Variants in ZNF875 observed in about 807,000 individuals in gnomAD.
ZNF875 encodes HKR1, GLI-Kruppel zinc finger family member.
A neutral mutation model predicts 11.2 loss-of-function variants in ZNF875; 14 were observed. That is an observed-to-expected ratio of 1.26 (90% CI 0.83 to 1.96). The LOEUF is 1.96. ZNF875 is among the 30% of genes most tolerant of loss of function. The pLI, the probability that ZNF875 is intolerant of heterozygous loss-of-function variation, is 0.00. For synonymous variants in ZNF875, 301 were observed against 281.1 expected (o/e 1.07, Z -0.71); for missense variants, 752 against 760.4 (o/e 0.99, Z 0.13).
upstream of ZNF875, among the ~76,000 whole-genome samples, chr19:37,317,388 G>A (rs1358514056): frequency 6.6e-6 from 1 of 151,596 alleles, no homozygotes; most frequent in African/African-American, 2.4e-5. Flanking sequence ...GGGTTTCACC[G>A]TGGTCTCGAT....
At chr19:37,314,163 A>G (rs1017850106), upstream of ZNF875, among the ~76,000 whole-genome samples, 6 of 152,148 alleles carry the variant, frequency 3.9e-5, no homozygotes, top group African/African-American at 1.4e-4. Flanking sequence ...CCCACGATGG[A>G]GTGCCGTGGT....
Position 37,324,301 on chromosome 19 carries a change from T to C in ZNF875, c.-603+36T>C, listed in dbSNP as rs1413005907. 5.3e-5 allele frequency: 8 copies of C among 152,316 alleles called. No individual in the cohort carries two copies. In the East Asian group the frequency reaches 1.4e-3, roughly 26 times the overall value. The allele number at this position is 152,316 out of a possible 1,614,324, so 9.4% of individuals were successfully genotyped here. On this transcript the variant is annotated intron_variant, in intron 4 of 5. Coordinates refer to the ZNF875 transcript ENST00000544914. Reference sequence around the variant, plus strand: ...TAAACCACTCACCTGTGTTGTCTTCTAATTTATTCTGTTTTATTTTGTTTC... The same window carrying C: ...TAAACCACTCACCTGTGTTGTCTTCCAATTTATTCTGTTTTATTTTGTTTC...
In ZNF875 at chr19:37,362,650, G is replaced by A. The variant is rs199921655; in HGVS notation, c.798G>A (p.Met266Ile). The change falls in exon 5 of 5, where the codon ATG (methionine) becomes ATA (isoleucine). Residue 266 changes from methionine to isoleucine, a missense_variant. Met to Ile is a conservative substitution (Grantham distance 10, BLOSUM62 1). Coordinates refer to ENST00000392153, the MANE Select transcript of ZNF875 (RefSeq NM_001353803.2). ...YTEWGDSFGS[M>I]SVLIKNPRTH... ...AGTGGGGAGACAGCTTTGGCAGTAT[G>A]TCAGTCCTCATCAAAAACCCAAGGA... is the stretch of plus-strand genomic sequence containing the variant. 9.9e-6 allele frequency: 16 copies of A among 1,613,044 alleles called. No homozygotes were observed. Among genetic ancestry groups the A allele is most frequent in the South Asian group, 9.9e-5 (9 of 90,892 alleles).
chr19:37,336,058 T>C (rs2145926583), intron 2 of ZNF875, among the ~76,000 whole-genome samples: 1 of 152,212 alleles, frequency 6.6e-6, no homozygotes, highest in African/African-American at 2.4e-5. Context: ...GAGACATACA[T>C]GCGTAATTGT....
At chr19:37,336,748 A>G (rs2145948714) in intron 2 of ZNF875, among the ~76,000 whole-genome samples, 1 of 151,466 alleles carries the variant, frequency 6.6e-6, no homozygotes, top group East Asian at 2.0e-4. Flanking sequence ...CTCTACTAAA[A>G]ATACAAGAAA....
At chr19:37,333,337 C>T (rs1199710361), upstream of ZNF875, among the ~76,000 whole-genome samples, 2 of 151,832 alleles carry the variant, frequency 1.3e-5, no homozygotes, top group Non-Finnish European at 2.9e-5. Flanking sequence ...GTGGTTCCCA[C>T]TGAGTTCTGT....
chr19:37,346,524 C>T (rs2036796126), intron 2 of ZNF875: 1 of 153,274 alleles, frequency 6.5e-6, no homozygotes, highest in Non-Finnish European at 1.5e-5. Context: ...CCCAGAGGCA[C>T]CACTGCTTCA....
At chr19:37,330,250 T>A (rs1191659635), upstream of ZNF875, among the ~76,000 whole-genome samples, 1 of 152,218 alleles carries the variant, frequency 6.6e-6, no homozygotes, top group East Asian at 1.9e-4. Context: ...CTCAAATACT[T>A]GACTTTTTTT....
chr19:37,320,205 T>A (rs567316957), intron 1 of ZNF875, among the ~76,000 whole-genome samples: 1 of 152,214 alleles, frequency 6.6e-6, no homozygotes, highest in Admixed American at 6.5e-5. Context: ...TGCAGTTCCA[T>A]CAGCCAAGTT....
chr19:37,313,223 A>G (rs62109190), upstream of ZNF875: 2,012 of 151,144 alleles, frequency 0.013, 34 homozygotes, highest in Non-Finnish European at 0.022. Context: ...CGAAACAACA[A>G]CAACAACAAC....
intron 1 of ZNF875, among the ~76,000 whole-genome samples, chr19:37,321,629 G>A (rs1231069080): frequency 2.0e-5 from 3 of 151,944 alleles, no homozygotes; most frequent in African/African-American, 4.8e-5. Context: ...TCAGTTTCCC[G>A]TCCCACCCGA....
chr19:37,362,655 T>G lies in ZNF875; in HGVS notation c.803T>G (p.Val268Gly), dbSNP rs746060051. The change falls in exon 5 of 5, where the codon GTC (valine) becomes GGC (glycine). Residue 268 changes from valine (V) to glycine (G), a missense_variant. Coordinates refer to ENST00000392153, the MANE Select transcript of ZNF875 (RefSeq NM_001353803.2). ...EWGDSFGSMS[V>G]LIKNPRTHSG... ...GGAGACAGCTTTGGCAGTATGTCAG[T>G]CCTCATCAAAAACCCAAGGACACAC... The G allele has an allele frequency of 6.2e-7, 1 of 1,613,054 alleles. No individual in the cohort carries two copies. Among genetic ancestry groups the G allele is most frequent in the Admixed American group, 1.7e-5 (1 of 59,934 alleles).
At chr19:37,334,918 G>T (rs1336051106) in intron 1 of ZNF875, 136 bp downstream of exon 1, 8 of 454,194 alleles carry the variant, frequency 1.8e-5, no homozygotes, top group East Asian at 1.6e-4. Flanking sequence ...CCTTTCATTC[G>T]AGCCCACAGG....
chr19:37,347,303 T>G lies in ZNF875; in HGVS notation c.147T>G (p.His49Gln), dbSNP rs776153383. Residue 49 changes from histidine to glutamine, a missense_variant, in exon 3 of 5, where the codon CAT becomes CAG. Transcript: ENST00000392153. Reference sequence around the variant, plus strand: ...AGGTGATGCTGGAGACTTATAACCATCTGGTCTCACTGGGTAAGAATGGCC... The same window carrying G: ...AGGTGATGCTGGAGACTTATAACCAGCTGGTCTCACTGGGTAAGAATGGCC... Reference protein sequence around the residue: ...HREVMLETYNHLVSLEIPSSK... With the variant: ...HREVMLETYNQLVSLEIPSSK... 1.2e-6 allele frequency: 2 copies of G among 1,613,582 alleles called. No individual in the cohort carries two copies. The highest frequency in any genetic ancestry group is 3.3e-5 in the Admixed American group (2 of 59,988).
chr19:37,316,593 C>T (rs1218518201), upstream of ZNF875, among the ~76,000 whole-genome samples: 1 of 152,010 alleles, frequency 6.6e-6, no homozygotes, highest in African/African-American at 2.4e-5. Context: ...TGGTCTCGAA[C>T]TCCAGAGCTC....
At chr19:37,319,813 C>T (rs1024692899) in intron 1 of ZNF875, among the ~76,000 whole-genome samples, 5 of 152,218 alleles carry the variant, frequency 3.3e-5, no homozygotes, top group African/African-American at 1.2e-4. Flanking sequence ...CTTGTCTACA[C>T]TTGAGTTGGT....
chr19:37,334,190 G>T (rs950583465), upstream of ZNF875, among the ~76,000 whole-genome samples: 1 of 152,164 alleles, frequency 6.6e-6, no homozygotes, highest in Non-Finnish European at 1.5e-5. Context: ...TACTCTAGGG[G>T]ACAAAGGGCC....
At position 37,362,886 on chromosome 19, in the gene ZNF875, A is replaced by C; in HGVS notation, c.1034A>C (p.Gln345Pro). The change falls in exon 5 of 5, where the codon CAG (glutamine) becomes CCG (proline). Residue 345 changes from glutamine (Q) to proline (P), a missense_variant. Physicochemically the swap from Gln to Pro is moderately conservative, Grantham distance 76 (BLOSUM62 -1). Transcript: ENST00000392153. ...CCTTATGTGTGCAAGGAATGTGGGC[A>C]GAGCTTTAGCCTGAAGTCAAACCTC... ...LKPYVCKECG[Q>P]SFSLKSNLIT... The C allele has an allele frequency of 6.2e-7, 1 of 1,614,066 alleles. No individual in the cohort carries two copies. Among genetic ancestry groups the C allele is most frequent in the Non-Finnish European group, 8.5e-7 (1 of 1,179,994 alleles).
upstream of ZNF875, chr19:37,334,594 C>A (rs2145883748): frequency 4.6e-6 from 2 of 430,538 alleles, no homozygotes; most frequent in Middle Eastern, 3.4e-4. Context: ...GAGGCCTCTG[C>A]GGTCACTTCC....
Sources: gnomAD v4.1 joint callset for allele counts (sites outside exome capture counted in the v4.1 genomes callset) on GRCh38, gnomAD v4.1.1 for gene constraint, MANE v1.5 for transcripts, NCBI Gene and HGNC (gene_info 2026-07-23, HGNC 2026-07-21) for gene names.